Variants in CR1L observed in about 807,000 individuals in gnomAD.
The protein encoded by CR1L is complement C3b/C4b receptor 1 like.
Under a neutral mutation model 62.3 loss-of-function variants are expected in CR1L, and 59 were observed. The ratio of observed to expected loss-of-function variants is 0.95; its 90% confidence interval spans 0.77 to 1.18. CR1L has a LOEUF of 1.18. Ranked by LOEUF, CR1L falls within the 50% of genes most tolerant of loss-of-function variation. The pLI is 0.00. For synonymous variants in CR1L, 279 were observed against 248.7 expected, an observed-to-expected ratio of 1.12 and a Z score of -1.15; for missense variants, 700 against 702.8, an observed-to-expected ratio of 1.00 and a Z score of 0.04.
chr1:207,709,700 G>C (rs983336262), intron 10 of CR1L, among the ~76,000 whole-genome samples: 1 of 151,814 alleles, frequency 6.6e-6, no homozygotes, highest in Non-Finnish European at 1.5e-5. Context: ...AGCTGAGCAT[G>C]GTCGTGCATG....
chr1:207,707,396 G>A (rs759644111), intron 9 of CR1L, among the ~76,000 whole-genome samples: 2 of 152,216 alleles, frequency 1.3e-5, no homozygotes, highest in Non-Finnish European at 2.9e-5. Flanking sequence ...GGGAGGCCGA[G>A]GTGGGAGGGT....
chr1:207,646,554 T>C (rs1663128799), intron 1 of CR1L, among the ~76,000 whole-genome samples: 1 of 151,240 alleles, frequency 6.6e-6, no homozygotes, highest in Non-Finnish European at 1.5e-5. Flanking sequence ...CTACAAAAAA[T>C]AAAAAAATTA....
intron 1 of CR1L, among the ~76,000 whole-genome samples, chr1:207,663,488 G>A (rs950721906): frequency 3.3e-5 from 5 of 152,218 alleles, no homozygotes; most frequent in African/African-American, 1.2e-4. Flanking sequence ...TTAAGCCATT[G>A]GAAAAGCACA....
intron 3 of CR1L, among the ~76,000 whole-genome samples, 169 bp from the exon 4 acceptor site, chr1:207,683,703 A>G (rs748738016): frequency 5.3e-5 from 8 of 152,220 alleles, no homozygotes; most frequent in Non-Finnish European, 1.0e-4. Context: ...TGGAAGAGAA[A>G]ATGACAAAGT....
rs1571649686 is a variant in CR1L at position 207,669,596 on chromosome 1, C to T, written c.98-7793C>T. Reference sequence around the variant, plus strand: ...ACGCTGGGGGGCGTGGGGAGGCGCCCGGGCTGACGAGGCACCCAGGGCCCC... The same window carrying T: ...ACGCTGGGGGGCGTGGGGAGGCGCCTGGGCTGACGAGGCACCCAGGGCCCC... On this transcript the variant is annotated intron_variant, in intron 1 of 11. Transcript: ENST00000508064. 1.6e-5 allele frequency: 22 copies of T among 1,350,170 alleles called. No individual in the cohort carries two copies. In the East Asian group the frequency reaches 3.7e-4, roughly 23 times the overall value. The allele number at this position is 1,350,170 out of a possible 1,614,324, so 83.6% of individuals were successfully genotyped here. A position where few individuals can be genotyped will look rare whatever the true frequency, so the allele number is the denominator to read the frequency against.
At chr1:207,710,279 A>G (rs1395265160) in intron 10 of CR1L, 33 of 713,334 alleles carry the variant, frequency 4.6e-5, no homozygotes, top group Non-Finnish European at 7.2e-5. Context: ...GGAAGTTGAG[A>G]TTGCAGTGAG....
At chr1:207,648,653 C>T (rs1399963217) in intron 1 of CR1L, among the ~76,000 whole-genome samples, 4 of 152,168 alleles carry the variant, frequency 2.6e-5, no homozygotes, top group Non-Finnish European at 5.9e-5. Flanking sequence ...TTGGACAAAA[C>T]CCCCGATCTC....
chr1:207,718,490 C>T (rs1004006090), intron 11 of CR1L, among the ~76,000 whole-genome samples: 4 of 152,166 alleles, frequency 2.6e-5, no homozygotes, highest in Non-Finnish European at 5.9e-5. Context: ...GGCACAAACT[C>T]GGCTCAATGC....
intron 1 of CR1L, among the ~76,000 whole-genome samples, chr1:207,673,357 T>C (rs1363846455): frequency 1.3e-5 from 2 of 152,258 alleles, no homozygotes; most frequent in African/African-American, 4.8e-5. Context: ...TTTATATTTT[T>C]GAAAGTGCAT....
chr1:207,663,996 C>T (rs1269390287), intron 1 of CR1L, among the ~76,000 whole-genome samples: 1 of 152,140 alleles, frequency 6.6e-6, no homozygotes, highest in South Asian at 2.1e-4. Flanking sequence ...TTTCTCTTTA[C>T]TGGGCAGTTT....
rs770415271 is a variant in CR1L at position 207,645,258 on chromosome 1, C to A, written c.25C>A (p.Arg9Ser). 2.5e-6 allele frequency: 4 copies of A among 1,613,556 alleles called. No homozygotes were observed. The South Asian group carries it at 3.3e-5, about 13-fold the overall frequency. The change falls in exon 1 of 12, where the codon CGT (arginine) becomes AGT (serine). Residue 9 changes from arginine (R) to serine (S), a missense_variant. Transcript: ENST00000508064. MAPPVRLE[R>S]PFPSRRFPGL... ...CATGGCGCCTCCCGTCCGTCTCGAG[C>A]GTCCCTTTCCTTCCCGGCGCTTTCC...
intron 6 of CR1L, 29 bp downstream of exon 6, chr1:207,697,708 T>C: frequency 4.3e-6 from 7 of 1,613,956 alleles, no homozygotes; most frequent in Non-Finnish European, 5.9e-6. Context: ...GGCTTGGTAT[T>C]TTTAGCTTGC....
rs1428498067 is a variant in CR1L at position 207,714,461 on chromosome 1, C to T, written c.1415-3003C>T. Among the ~76,000 whole-genome samples, 3 of 152,152 alleles carry T rather than the reference C, an allele frequency of 2.0e-5. No individual in the cohort carries two copies. The East Asian group carries it at 5.8e-4, about 29-fold the overall frequency. ...AACTTGTAGCTAGGCTTTAAACTGTCTTCAGCTTGAAGGTCGGGTTTCACC... is the reference window on the plus strand; with the variant it reads ...AACTTGTAGCTAGGCTTTAAACTGTTTTCAGCTTGAAGGTCGGGTTTCACC... On this transcript the variant is annotated intron_variant, in intron 10 of 11. Transcript: ENST00000508064.
intron 1 of CR1L, among the ~76,000 whole-genome samples, chr1:207,674,057 A>G (rs1663653032): frequency 6.6e-6 from 1 of 152,258 alleles, no homozygotes; most frequent in South Asian, 2.1e-4. Context: ...AGGCTAAAAC[A>G]TTTAAAACAA....
At chr1:207,692,910 T>C (rs1011979829) in intron 4 of CR1L, among the ~76,000 whole-genome samples, 44 of 152,230 alleles carry the variant, frequency 2.9e-4, no homozygotes, top group Non-Finnish European at 6.3e-4. Flanking sequence ...GTTTCCTTCT[T>C]ATTGCAATTC....
chr1:207,673,925 C>T (rs1663651556), intron 1 of CR1L, among the ~76,000 whole-genome samples: 1 of 152,140 alleles, frequency 6.6e-6, no homozygotes, highest in Non-Finnish European at 1.5e-5. Context: ...AAATGTCCCT[C>T]AACAAGTGAA....
intron 11 of CR1L, among the ~76,000 whole-genome samples, chr1:207,720,443 T>A (rs986091094): frequency 1.1e-4 from 16 of 152,090 alleles, no homozygotes; most frequent in African/African-American, 3.9e-4. Context: ...GGGGCGGTGG[T>A]CCAGGCTTGG....
chr1:207,659,430 C>A (rs529186951), intron 1 of CR1L, among the ~76,000 whole-genome samples: 1 of 152,326 alleles, frequency 6.6e-6, no homozygotes, highest in East Asian at 1.9e-4. Context: ...GGACAGTGAG[C>A]CATAGCTGCA....
intron 11 of CR1L, 54 bp downstream of exon 11, chr1:207,717,745 C>G: frequency 1.3e-6 from 2 of 1,586,672 alleles, no homozygotes; most frequent in South Asian, 1.1e-5. Flanking sequence ...TAGGTGAGAA[C>G]CTTCATATTT....
Sources: gnomAD v4.1 joint callset for allele counts (sites outside exome capture counted in the v4.1 genomes callset) on GRCh38, gnomAD v4.1.1 for gene constraint, MANE v1.5 for transcripts, NCBI Gene and HGNC (gene_info 2026-07-23, HGNC 2026-07-21) for gene names.